DPH6: variants seen among roughly 807,000 people sequenced by gnomAD.
DPH6 encodes diphthine--ammonia ligase.
DPH6 carries 33 observed loss-of-function variants against 38.2 expected under a neutral mutation model. The ratio of observed to expected loss-of-function variants is 0.86; its 90% CI spans 0.65 to 1.15. DPH6 has a LOEUF of 1.15. DPH6 is among the 50% of genes most tolerant of loss of function. The pLI, the probability that DPH6 is intolerant of heterozygous loss-of-function variation, is 0.00. For synonymous variants in DPH6, 108 were observed against 103.0 expected, an observed-to-expected ratio of 1.05 and a Z score of -0.30; for missense variants, 325 against 320.0, an observed-to-expected ratio of 1.02 and a Z score of -0.12.
chr15:35,255,683 T>C (rs574757671), intron 3 of DPH6, among the ~76,000 whole-genome samples: 46 of 152,358 alleles, frequency 3.0e-4, no homozygotes, highest in Admixed American at 3.0e-3. Context: ...TGCACCAGTT[T>C]ACTCATAGAG....
chr15:35,489,123 T>C (rs1373177654), intron 3 of DPH6, among the ~76,000 whole-genome samples: 57 of 152,204 alleles, frequency 3.7e-4, no homozygotes, highest in Non-Finnish European at 1.5e-5. Flanking sequence ...GCTGGTTCAA[T>C]AGTGGGTATT....
At chr15:35,477,816 C>T (rs1358788897) in intron 3 of DPH6, among the ~76,000 whole-genome samples, 1 of 151,830 alleles carries the variant, frequency 6.6e-6, no homozygotes, top group African/African-American at 2.4e-5. Flanking sequence ...AGTGATAATG[C>T]TTTCAATTTA....
chr15:35,480,873 G>GA (rs1421643338), intron 3 of DPH6, among the ~76,000 whole-genome samples: 3 of 149,572 alleles, frequency 2.0e-5, no homozygotes, highest in African/African-American at 7.3e-5. Context: ...AATGAAACAG[G>GA]AATGATAGAA....
Position 35,357,488 on chromosome 15 carries a change from T to A in DPH6, n.207+16033A>T, listed in dbSNP as rs147482655. 2.3e-3 allele frequency among the ~76,000 whole-genome samples: 349 copies of A among 152,356 alleles called. 1 individual carries two copies. Among genetic ancestry groups the A allele is most frequent in the Non-Finnish European group, 3.9e-3 (266 of 68,032 alleles). On this transcript the variant is annotated intron_variant and non_coding_transcript_variant, in intron 3 of 3. Coordinates refer to the DPH6 transcript ENST00000558973. ...TATTTTGTTTATAGGTTCTGTGTGA[T>A]TTAGCATTAAAGAGGTTCTGTCTTG...
intron 5 of DPH6, among the ~76,000 whole-genome samples, chr15:35,430,394 A>AAG (rs200895722): frequency 2.9e-5 from 2 of 68,228 alleles, no homozygotes; most frequent in Admixed American, 1.6e-4. Context: ...CTTCATACTG[A>AAG]AAAAAAAAAA....
At chr15:35,406,284 G>A (rs929388111) in intron 6 of DPH6, among the ~76,000 whole-genome samples, 13 of 151,972 alleles carry the variant, frequency 8.6e-5, no homozygotes, top group African/African-American at 2.2e-4. Flanking sequence ...GTTCAAAATC[G>A]ATGAAGCATA....
the DPH6 span, among the ~76,000 whole-genome samples, chr15:35,208,837 C>T: frequency 6.6e-6 from 1 of 151,998 alleles, no homozygotes; most frequent in Non-Finnish European, 1.5e-5. Context: ...TTTTTATATC[C>T]ACTTCAGAAC....
At chr15:35,388,324 C>T (rs1249932545) in intron 6 of DPH6, among the ~76,000 whole-genome samples, 1 of 152,128 alleles carries the variant, frequency 6.6e-6, no homozygotes, top group African/African-American at 2.4e-5. Context: ...GTGTCTCTGC[C>T]AGGCTTTGGT....
chr15:35,428,278 C>T (rs1296707736), intron 5 of DPH6, among the ~76,000 whole-genome samples: 1 of 151,926 alleles, frequency 6.6e-6, no homozygotes, highest in Non-Finnish European at 1.5e-5. Context: ...TAGTTTGATG[C>T]CCTGGATCAA....
At chr15:35,367,977 GTTC>G (rs2099377355), downstream of DPH6, among the ~76,000 whole-genome samples, 1 of 151,744 alleles carries the variant, frequency 6.6e-6, no homozygotes, top group African/African-American at 2.4e-5. Context: ...AAATTAAAAA[GTTC>G]TTATTAGAAC....
At position 35,355,098 on chromosome 15, in the gene DPH6, G is replaced by C. The variant is rs748763342; in HGVS notation, n.207+18423C>G. On this transcript the variant is annotated intron_variant and non_coding_transcript_variant, in intron 3 of 3. Coordinates refer to the DPH6 transcript ENST00000558973. Reference sequence around the variant, plus strand: ...TTAAAGTCTGTTTTATCATAGACTAGGATTGCAACCCTTGCCTTTTTTTGT... The same window carrying C: ...TTAAAGTCTGTTTTATCATAGACTACGATTGCAACCCTTGCCTTTTTTTGT... 3.3e-5 allele frequency among the ~76,000 whole-genome samples: 5 copies of C among 152,114 alleles called. No homozygotes were observed. In the South Asian group the frequency reaches 1.0e-3, roughly 32 times the overall value.
At chr15:35,472,984 T>C (rs1005766052) in intron 3 of DPH6, among the ~76,000 whole-genome samples, 1 of 152,062 alleles carries the variant, frequency 6.6e-6, no homozygotes, top group East Asian at 1.9e-4. Flanking sequence ...GGGTTAGTAA[T>C]TGAGGGCTAC....
intron 3 of DPH6, among the ~76,000 whole-genome samples, chr15:35,497,517 T>A (rs1395257120): frequency 2.0e-5 from 3 of 152,184 alleles, no homozygotes; most frequent in African/African-American, 7.2e-5. Context: ...TTTTTAAAAA[T>A]AGCCATATCC....
At chr15:35,404,336 T>A (rs189579957) in intron 6 of DPH6, among the ~76,000 whole-genome samples, 9 of 152,180 alleles carry the variant, frequency 5.9e-5, no homozygotes, top group Admixed American at 5.9e-4. Context: ...CTAATTTACA[T>A]TCCCATAGAC....
At chr15:35,480,421 T>G (rs2054313246) in intron 3 of DPH6, among the ~76,000 whole-genome samples, 1 of 152,060 alleles carries the variant, frequency 6.6e-6, no homozygotes, top group Non-Finnish European at 1.5e-5. Flanking sequence ...TTTCCAATAT[T>G]TAATAAACTA....
At chr15:35,339,925 T>C (rs1246614416) in intron 3 of DPH6, among the ~76,000 whole-genome samples, 1 of 152,292 alleles carries the variant, frequency 6.6e-6, no homozygotes, top group East Asian at 1.9e-4. Context: ...GTTCAGGTCC[T>C]GGCTATCATT....
At position 35,382,000 on chromosome 15, in the gene DPH6, C is replaced by T. The variant is rs905955878; in HGVS notation, c.568-84G>A. ...CTCTCTTATCTGGTACTAAAAAATC[C>T]ATACAAAAAACTTTAATTCCAAAAT... On this transcript the variant is annotated intron_variant, in intron 6 of 8. Transcript: ENST00000256538. 5 of 987,426 alleles carry T rather than the reference C, an allele frequency of 5.1e-6. No homozygotes were observed. In the African/African-American group the frequency reaches 6.6e-5, roughly 13 times the overall value. The allele number at this position is 987,426 out of a possible 1,614,324, so 61.2% of individuals were successfully genotyped here.
At chr15:35,192,306 T>A in the DPH6 span, among the ~76,000 whole-genome samples, 3 of 152,186 alleles carry the variant, frequency 2.0e-5, no homozygotes, top group African/African-American at 7.2e-5. Context: ...AGTGCTGTTA[T>A]GAAAACGATA....
intron 3 of DPH6, among the ~76,000 whole-genome samples, chr15:35,352,603 C>A (rs1386332681): frequency 6.6e-6 from 1 of 152,184 alleles, no homozygotes; most frequent in African/African-American, 2.4e-5. Flanking sequence ...CTACAAAGGA[C>A]ATGAACTCAT....
Sources: gnomAD v4.1 joint callset for allele counts (sites outside exome capture counted in the v4.1 genomes callset) on GRCh38, gnomAD v4.1.1 for gene constraint, MANE v1.5 for transcripts, NCBI Gene and HGNC (gene_info 2026-07-23, HGNC 2026-07-21) for gene names.